The following TGM5 variants were observed in gnomAD, a reference collection of about 807,000 sequenced individuals.
The protein encoded by TGM5 is protein-glutamine gamma-glutamyltransferase 5.
In TGM5, 69 loss-of-function variants were observed where a neutral mutation model predicts 77.2. That is an observed-to-expected ratio of 0.89 (90% CI 0.74 to 1.09). The LOEUF (loss-of-function observed/expected upper bound fraction) is 1.09, where lower values mean the gene tolerates loss of function less well. Among genes scored for constraint, TGM5 ranks in the 50% least tolerant of loss-of-function variants. The probability of loss-of-function intolerance (pLI) is 0.00; values close to 1 mark genes in which losing one functional copy is unlikely to be tolerated. For synonymous variants in TGM5, 346 were observed against 351.8 expected (o/e 0.98, Z 0.18); for missense variants, 842 against 896.5 (o/e 0.94, Z 0.78).
At chr15:43,252,687 G>T in intron 6 of TGM5, 72 bp downstream of exon 6, 1 of 1,564,946 alleles carries the variant, frequency 6.4e-7, no homozygotes, top group Non-Finnish European at 8.8e-7. Context: ...ACTGGGATGG[G>T]AATGGTTCAG....
In TGM5 at chr15:43,238,950, C is replaced by A. The variant is rs1159301490; in HGVS notation, c.1212G>T (p.Met404Ile). The A allele has an allele frequency of 6.2e-7, 1 of 1,614,126 alleles. No individual in the cohort carries two copies. The highest frequency in any genetic ancestry group is 1.3e-5 in the African/African-American group (1 of 74,932). Residue 404 changes from methionine to isoleucine, a missense_variant, in exon 9 of 13, where the codon ATG becomes ATT. Physicochemically the swap from Met to Ile is conservative, Grantham distance 10 (BLOSUM62 1). Coordinates refer to ENST00000220420, the MANE Select transcript of TGM5 (RefSeq NM_201631.4). ...CCTTCCCTCCCTGGACGAGCCAGGA[C>A]ATGCAGTCAGCATTCACCATCGAAA... Reference protein sequence around the residue: ...FVFSMVNADCMSWLVQGGKEQ... With the variant: ...FVFSMVNADCISWLVQGGKEQ...
At position 43,238,835 on chromosome 15, in the gene TGM5, T is replaced by G; in HGVS notation, c.1327A>C (p.Asn443His). 6.2e-7 allele frequency: 1 copy of G among 1,614,056 alleles called. No individual in the cohort carries two copies. The highest frequency in any genetic ancestry group is 8.5e-7 in the Non-Finnish European group (1 of 1,179,994). The change falls in exon 9 of 13, where the codon AAC becomes CAC. Residue 443 changes from asparagine to histidine, a missense_variant. Transcript: ENST00000220420. ...QSDERDDITE[N>H]YKYEEGSLQE... ...TACTTACCTTCTTCATACTTGTAGT[T>G]CTCTGTGATGTCATCCCGCTCGTCA...
At position 43,235,602 on chromosome 15, in the gene TGM5, C is replaced by T. The variant is rs1286847000; in HGVS notation, c.1581G>A (p.Leu527=). The T allele has an allele frequency of 6.2e-7, 1 of 1,614,062 alleles. No homozygotes were observed. The highest frequency in any genetic ancestry group is 8.5e-7 in the Non-Finnish European group (1 of 1,180,050). ...PNMGQDICFV[L]LALNMSSQFK... is the part of the protein sequence containing the mutation. ...ACTGGGAGGACATGTTGAGGGCCAG[C>T]AGGACAAAGCATATATCCTGGCCCA... The change falls in exon 10 of 13, where the codon CTG becomes CTA. Residue 527 remains leucine, a synonymous_variant. Coordinates refer to ENST00000220420, the MANE Select transcript of TGM5 (RefSeq NM_201631.4).
At position 43,233,593 on chromosome 15, in the gene TGM5, A is replaced by G. The variant is rs80058195; in HGVS notation, c.1970T>C (p.Val657Ala). ...TTTCTTGAAGAGGCCACTTCCTTCC[A>G]CAGTCAGCACACAGTCCTCAACCTG... ...SEQVEDCVLT[V>A]EGSGLFKKQQ... Residue 657 changes from valine to alanine, a missense_variant, in exon 12 of 13, where the codon GTG (valine) becomes GCG (alanine). By Grantham distance (64) the Val-to-Ala change is moderately conservative. This residue lies in a region of TGM5 where 815 missense variants were observed against 844.6 expected (regional missense o/e 0.96). Coordinates refer to ENST00000220420, the MANE Select transcript of TGM5 (RefSeq NM_201631.4). 2,548 of 1,614,216 alleles carry G rather than the reference A, an allele frequency of 1.6e-3. 39 individuals are homozygous for G. In the African/African-American group the frequency reaches 0.031, roughly 20 times the overall value.
intron 6 of TGM5, among the ~76,000 whole-genome samples, chr15:43,249,082 G>A (rs2042687487): frequency 6.6e-6 from 1 of 152,026 alleles, no homozygotes; most frequent in Non-Finnish European, 1.5e-5. Flanking sequence ...CAGCCCCTGG[G>A]ACCTTGGACC....
chr15:43,242,769 A>G (rs11855754), intron 6 of TGM5, among the ~76,000 whole-genome samples: 19,455 of 152,178 alleles, frequency 0.13, 1,378 homozygotes, highest in East Asian at 0.21. Flanking sequence ...TAGAGCTGAC[A>G]AGTGGGTTGT....
At chr15:43,259,637 T>C (rs2042770057) in intron 3 of TGM5, among the ~76,000 whole-genome samples, 1 of 152,234 alleles carries the variant, frequency 6.6e-6, no homozygotes, top group Admixed American at 6.5e-5. Context: ...TGAATGGAAC[T>C]TAGAGATTGG....
chr15:43,260,689 T>C lies in TGM5; in HGVS notation c.11-110A>G, dbSNP rs60010602. The C allele has an allele frequency of 1.4e-3, 1,592 of 1,177,020 alleles. 15 individuals are homozygous for C. In the African/African-American group the frequency reaches 0.022, roughly 16 times the overall value. The allele number at this position is 1,177,020 out of a possible 1,614,324, so 72.9% of individuals were successfully genotyped here. ...GAAAGTAACTTAGCTTGAGCCTCAG[T>C]TTCCATATCAGTAAAATAGAGTCCA... On this transcript the variant is annotated intron_variant, in intron 1 of 12. Coordinates refer to ENST00000220420, the MANE Select transcript of TGM5 (RefSeq NM_201631.4).
In TGM5 at chr15:43,251,543, A is replaced by G. The variant is rs528826594; in HGVS notation, c.862+1216T>C. Among the ~76,000 whole-genome samples, 4 of 152,286 alleles carry G rather than the reference A, an allele frequency of 2.6e-5. No homozygotes were observed. The East Asian group carries it at 5.8e-4, about 22-fold the overall frequency. ...ATCTGGTATTCTTGGATTCCCCTAA[A>G]GAATCCTGTGAGCGAAAACCTTGCT... is the stretch of plus-strand genomic sequence containing the variant. On this transcript the variant is annotated intron_variant, in intron 6 of 12. Transcript: ENST00000220420.
intron 6 of TGM5, among the ~76,000 whole-genome samples, chr15:43,245,123 G>T (rs1393988904): frequency 6.6e-6 from 1 of 151,744 alleles, no homozygotes; most frequent in African/African-American, 2.4e-5. Flanking sequence ...TTCAGGACTG[G>T]CTGTAAAGCT....
At chr15:43,238,279 G>A (rs2042605150) in intron 9 of TGM5, among the ~76,000 whole-genome samples, 1 of 152,080 alleles carries the variant, frequency 6.6e-6, no homozygotes, top group Admixed American at 6.5e-5. Context: ...CTAGTGGCTG[G>A]CGCTTCTCAA....
At position 43,235,443 on chromosome 15, in the gene TGM5, C is replaced by T. The variant is rs772869366; in HGVS notation, c.1714+26G>A. The T allele has an allele frequency of 4.6e-5, 75 of 1,613,792 alleles. No individual in the cohort carries two copies. The Admixed American group carries it at 6.8e-4, about 15-fold the overall frequency. ...ACTGACATTGCCAAAACCAACTCTG[C>T]GTACACAAACTGTGCACATGCGTAC... On this transcript the variant is annotated intron_variant, in intron 10 of 12. Transcript: ENST00000220420.
intron 6 of TGM5, among the ~76,000 whole-genome samples, chr15:43,241,783 A>G (rs2042638508): frequency 6.6e-6 from 1 of 151,734 alleles, no homozygotes. Context: ...ACAGGCACAC[A>G]ACACCACACC....
intron 1 of TGM5, 118 bp downstream of exon 1, chr15:43,266,722 C>T: frequency 7.3e-7 from 1 of 1,367,642 alleles, no homozygotes. Context: ...CTTTTCCTGC[C>T]TCAGTTCTGT....
At chr15:43,262,524 C>A (rs1026376118) in intron 1 of TGM5, among the ~76,000 whole-genome samples, 1 of 152,220 alleles carries the variant, frequency 6.6e-6, no homozygotes, top group Non-Finnish European at 1.5e-5. Context: ...TGGTGGCTCA[C>A]ACCTATAATT....
At chr15:43,258,818 T>C (rs1427287514) in intron 3 of TGM5, among the ~76,000 whole-genome samples, 5 of 152,050 alleles carry the variant, frequency 3.3e-5, no homozygotes, top group Non-Finnish European at 7.4e-5. Context: ...GAAGGCCCCA[T>C]CATTAACGCT....
At chr15:43,235,088 G>A (rs566310081) in intron 10 of TGM5, among the ~76,000 whole-genome samples, 159 bp from the exon 11 acceptor site, 2 of 152,300 alleles carry the variant, frequency 1.3e-5, no homozygotes, top group African/African-American at 4.8e-5. Context: ...GAGCTGAAAA[G>A]AGCCAAAATG....
At position 43,257,439 on chromosome 15, in the gene TGM5, CAG is replaced by C. The variant is rs551548222; in HGVS notation, c.437-755_437-754del. Among the ~76,000 whole-genome samples, 94 of 152,266 alleles carry C rather than the reference CAG, an allele frequency of 6.2e-4. 1 individual carries two copies. The highest frequency in any genetic ancestry group is 3.4e-3 in the Middle Eastern group (1 of 294). ...CACATATACGTGCTGCCCATATGAA[CAG>C]AGGGTTTTGAAGCCAGTTCAAAAAT... is the stretch of plus-strand genomic sequence containing the variant. On this transcript the variant is annotated intron_variant, in intron 3 of 12. Coordinates refer to ENST00000220420, the MANE Select transcript of TGM5 (RefSeq NM_201631.4).
intron 3 of TGM5, 130 bp downstream of exon 3, chr15:43,259,922 G>T: frequency 7.7e-7 from 1 of 1,295,032 alleles, no homozygotes. Context: ...TAGTTGGGGC[G>T]GATGCTGAGT....
Sources: allele counts gnomAD v4.1 joint callset (sites outside exome capture counted in the v4.1 genomes callset), GRCh38; gene constraint gnomAD v4.1.1; regional missense constraint gnomAD v4.1.1; transcripts MANE v1.5; gene names NCBI Gene and HGNC (gene_info 2026-07-23, HGNC 2026-07-21).